The following SPRY3 variants were observed in gnomAD, a reference collection of about 807,000 sequenced individuals.
SPRY3 encodes the protein protein sprouty homolog 3.
Under a neutral mutation model 20.2 loss-of-function variants are expected in SPRY3, and 15 were observed. That is an observed-to-expected ratio of 0.74 (90% confidence interval 0.50 to 1.14). The LOEUF is 1.14. Among genes scored for constraint, SPRY3 ranks in the 50% most tolerant of loss-of-function variants. SPRY3 has a pLI of 0.00. For synonymous variants in SPRY3, 143 were observed against 136.5 expected (o/e 1.05, Z -0.33); for missense variants, 364 against 363.9 (o/e 1.00, Z 0.00).
At chrX:155,745,885 T>C (rs1203397377) in intron 2 of SPRY3, among the ~76,000 whole-genome samples, 1 of 152,036 alleles carries the variant, frequency 6.6e-6, no homozygotes, top group African/African-American at 2.4e-5. Context: ...ACTTGAATTG[T>C]AACCTGGCCT....
intron 2 of SPRY3, among the ~76,000 whole-genome samples, chrX:155,704,496 T>G (rs1359782997): frequency 6.6e-6 from 1 of 151,318 alleles, no homozygotes; most frequent in Non-Finnish European, 1.5e-5. Context: ...AAAAAAAGAA[T>G]GAGGAAAAGA....
At chrX:155,780,739 T>C (rs2091458350), downstream of SPRY3, 1 of 166,928 alleles carries the variant, frequency 6.0e-6, no homozygotes, top group Admixed American at 6.5e-5. Flanking sequence ...AATTTTTTTC[T>C]TAATGGAGGT....
intron 2 of SPRY3, among the ~76,000 whole-genome samples, chrX:155,662,239 CT>C (rs2068012057): frequency 9.0e-6 from 1 of 110,731 alleles, no homozygotes. Context: ...GAGTGTGTGA[CT>C]GTAGTGTATG....
intron 2 of SPRY3, among the ~76,000 whole-genome samples, chrX:155,678,741 T>C (rs1400945246): frequency 8.9e-6 from 1 of 112,389 alleles, no homozygotes; most frequent in Non-Finnish European, 1.9e-5. Context: ...AGATTTTATA[T>C]AAATGTGAAT....
chrX:155,645,226 T>C (rs2067954119), intron 1 of SPRY3, among the ~76,000 whole-genome samples: 1 of 111,854 alleles, frequency 8.9e-6, no homozygotes, highest in South Asian at 3.7e-4. Flanking sequence ...TTACTTTCCC[T>C]CTCTTCTTTT....
At chrX:155,663,978 G>T (rs965976302) in intron 2 of SPRY3, among the ~76,000 whole-genome samples, 1 of 110,201 alleles carries the variant, frequency 9.1e-6, no homozygotes, top group African/African-American at 3.3e-5. Flanking sequence ...AATTTTTGTA[G>T]GTACATAGTA....
rs748984134 is a variant in SPRY3, at chrX:155,718,640, T to C, written c.-281-49322T>C. Among the ~76,000 whole-genome samples the C allele has an allele frequency of 1.6e-4, 25 of 152,206 alleles. No homozygotes were observed. The South Asian group carries it at 5.0e-3, about 30-fold the overall frequency. Reference sequence around the variant, plus strand: ...ACAAATATAATCATATTAATAAATATGACATTTCAAATCAATGGATAAAAG... The same window carrying C: ...ACAAATATAATCATATTAATAAATACGACATTTCAAATCAATGGATAAAAG... On this transcript the variant is annotated intron_variant, in intron 2 of 3. Coordinates refer to ENST00000675360, the Ensembl canonical transcript of SPRY3.
intron 2 of SPRY3, among the ~76,000 whole-genome samples, chrX:155,735,626 A>C (rs916791745): frequency 6.6e-6 from 1 of 152,038 alleles, no homozygotes; most frequent in African/African-American, 2.4e-5. Flanking sequence ...TGATACAGCT[A>C]TTCAAGCTTT....
chrX:155,782,348 C>T (rs1460325164), exon 2 of SPRY3: 1 of 166,956 alleles, frequency 6.0e-6, no homozygotes, highest in East Asian at 1.9e-4. Context: ...CCAATCCCAT[C>T]GTATCCATCC....
intron 2 of SPRY3, among the ~76,000 whole-genome samples, chrX:155,756,277 C>T (rs2091283219): frequency 6.6e-6 from 1 of 152,022 alleles, no homozygotes; most frequent in South Asian, 2.1e-4. Context: ...AGTTTTAAAA[C>T]TTCTGATTAA....
At chrX:155,620,615 T>C (rs782369818) in intron 1 of SPRY3, among the ~76,000 whole-genome samples, 6 of 111,863 alleles carry the variant, frequency 5.4e-5, no homozygotes, top group African/African-American at 1.9e-4. Flanking sequence ...TATAAAATTC[T>C]AGAAATTCCA....
intron 2 of SPRY3, among the ~76,000 whole-genome samples, chrX:155,679,638 A>G (rs1386473318): frequency 1.8e-5 from 2 of 112,070 alleles, no homozygotes; most frequent in Admixed American, 1.9e-4. Context: ...TTCAAACCAT[A>G]GCAATGAGTA....
intron 2 of SPRY3, among the ~76,000 whole-genome samples, chrX:155,738,970 G>T (rs2091187079): frequency 6.6e-6 from 1 of 152,182 alleles, no homozygotes; most frequent in Admixed American, 6.5e-5. Context: ...CAACCCACTG[G>T]GTTAGAATTC....
intron 2 of SPRY3, among the ~76,000 whole-genome samples, chrX:155,731,962 A>C (rs1233563332): frequency 6.6e-6 from 1 of 151,994 alleles, no homozygotes; most frequent in African/African-American, 2.4e-5. Flanking sequence ...AAAACACATC[A>C]TTCTATTTAT....
At chrX:155,715,069 C>A (rs189417461) in intron 2 of SPRY3, among the ~76,000 whole-genome samples, 1 of 152,264 alleles carries the variant, frequency 6.6e-6, no homozygotes, top group African/African-American at 2.4e-5. Flanking sequence ...TTGCTCTACC[C>A]TCACTGTGGC....
At chrX:155,723,746 T>C (rs2124556157) in intron 2 of SPRY3, among the ~76,000 whole-genome samples, 1 of 152,330 alleles carries the variant, frequency 6.6e-6, no homozygotes. Context: ...CTGTTCACTC[T>C]AATAGTAGTT....
At chrX:155,705,101 TAAAG>T (rs1249059305) in intron 2 of SPRY3, among the ~76,000 whole-genome samples, 2 of 151,514 alleles carry the variant, frequency 1.3e-5, no homozygotes, top group Non-Finnish European at 3.0e-5. Context: ...CATAGGAAGG[TAAAG>T]TTAAATTATT....
At chrX:155,697,691 A>G (rs2068123986) in intron 2 of SPRY3, among the ~76,000 whole-genome samples, 1 of 108,809 alleles carries the variant, frequency 9.2e-6, no homozygotes, top group Non-Finnish European at 1.9e-5. Context: ...GTTTTTCTGG[A>G]GAACGCTGAC....
At chrX:155,651,132 G>C (rs1473451031) in intron 1 of SPRY3, among the ~76,000 whole-genome samples, 3 of 107,546 alleles carry the variant, frequency 2.8e-5, no homozygotes, top group Non-Finnish European at 5.8e-5. Context: ...CTGGAGTGCA[G>C]TGGTGCAATC....
Sources: allele counts gnomAD v4.1 joint callset (sites outside exome capture counted in the v4.1 genomes callset), GRCh38; gene constraint gnomAD v4.1.1; transcripts MANE v1.5; gene names NCBI Gene and HGNC (gene_info 2026-07-23, HGNC 2026-07-21).